Variants in EMILIN2 observed in about 807,000 individuals in gnomAD.
EMILIN2 encodes the protein elastin microfibril interfacer 2.
In EMILIN2, 71 loss-of-function variants were observed where a neutral mutation model predicts 87.1. The ratio of observed to expected loss-of-function variants is 0.82; its 90% confidence interval spans 0.67 to 0.99. The LOEUF (loss-of-function observed/expected upper bound fraction) is 0.99. Ranked by LOEUF, EMILIN2 falls within the 50% of genes least tolerant of loss-of-function variation. The pLI, the probability that EMILIN2 is intolerant of heterozygous loss-of-function variation, is 0.00. For synonymous variants in EMILIN2, 581 were observed against 563.4 expected, an observed-to-expected ratio of 1.03 and a Z score of -0.44; for missense variants, 1,407 against 1,371.8, an observed-to-expected ratio of 1.03 and a Z score of -0.40.
rs917842427 is a variant in EMILIN2, at chr18:2,907,040, G to A, written c.2617G>A (p.Gly873Arg). The change falls in exon 5 of 8, where the codon GGG becomes AGG. Residue 873 changes from glycine (G) to arginine (R), a missense_variant. By Grantham distance (125) the Gly-to-Arg change is moderately radical (BLOSUM62 -2). Coordinates refer to ENST00000254528, the MANE Select transcript of EMILIN2 (RefSeq NM_032048.3). ...GLPRGVDGQT[G>R]SGTVPGAEGF... ...GCCGCGGGGCGTGGACGGCCAGACC[G>A]GGAGCGGCACCGTCCCCGGCGCAGA... is the stretch of plus-strand genomic sequence containing the variant. 2.3e-6 allele frequency: 3 copies of A among 1,289,406 alleles called. No individual in the cohort carries two copies. Among genetic ancestry groups the A allele is most frequent in the Non-Finnish European group, 2.9e-6 (3 of 1,023,164 alleles). The allele number at this position is 1,289,406 out of a possible 1,614,324, so 79.9% of individuals were successfully genotyped here. A position where few individuals can be genotyped will look rare whatever the true frequency, so the allele number is the denominator to read the frequency against.
At chr18:2,898,010 C>T (rs977814205) in intron 4 of EMILIN2, among the ~76,000 whole-genome samples, 20 of 152,182 alleles carry the variant, frequency 1.3e-4, no homozygotes, top group African/African-American at 4.6e-4. Flanking sequence ...GCCCTTTATT[C>T]CCTATGCAGT....
In EMILIN2 at chr18:2,914,723, C is replaced by G. The variant is rs2076957903; in HGVS notation, c.*1319C>G. 6.6e-6 allele frequency: 1 copy of G among 152,008 alleles called. No individual in the cohort carries two copies. Among genetic ancestry groups the G allele is most frequent in the African/African-American group, 2.4e-5 (1 of 41,380 alleles). 9.4% of individuals were successfully genotyped at this position (152,008 alleles called of 1,614,324 possible). A position where few individuals can be genotyped will look rare whatever the true frequency, so the allele number is the denominator to read the frequency against. On this transcript the variant is annotated 3_prime_UTR_variant, in exon 8 of 8. Transcript: ENST00000254528. ...ATGCTCTTATGCTGTAAAAAAAATG[C>G]TTTAAGAATTGTTTGCAAATGAATT...
At chr18:2,849,073 C>T (rs1218329520) in intron 2 of EMILIN2, among the ~76,000 whole-genome samples, 2 of 152,152 alleles carry the variant, frequency 1.3e-5, no homozygotes, top group African/African-American at 2.4e-5. Context: ...CAGTGGAAAA[C>T]GCTGAAATTG....
At chr18:2,850,361 C>T (rs541683035) in intron 2 of EMILIN2, among the ~76,000 whole-genome samples, 1 of 151,796 alleles carries the variant, frequency 6.6e-6, no homozygotes, top group South Asian at 2.1e-4. Flanking sequence ...AATCCAGAAG[C>T]CTGAGTCACC....
Position 2,864,204 on chromosome 18 carries a change from C to A in EMILIN2, c.257+16273C>A, listed in dbSNP as rs1362833935. Reference sequence around the variant, plus strand: ...GCCAGTCTGTGTCTTTTAATTGGAGCATTTAGCCCATTTACATTTAAGGTT... The same window carrying A: ...GCCAGTCTGTGTCTTTTAATTGGAGAATTTAGCCCATTTACATTTAAGGTT... On this transcript the variant is annotated intron_variant, in intron 2 of 7. Transcript: ENST00000254528. 5.9e-5 allele frequency among the ~76,000 whole-genome samples: 9 copies of A among 152,250 alleles called. No individual in the cohort carries two copies. In the East Asian group the frequency reaches 1.2e-3, roughly 20 times the overall value.
chr18:2,887,484 G>C (rs1211317605), intron 3 of EMILIN2, among the ~76,000 whole-genome samples: 5 of 103,216 alleles, frequency 4.8e-5, no homozygotes, highest in Non-Finnish European at 1.1e-4. Flanking sequence ...TAATAAATGA[G>C]TTCTTGCTCT....
At chr18:2,867,843 C>T (rs1488355757) in intron 2 of EMILIN2, among the ~76,000 whole-genome samples, 1 of 152,252 alleles carries the variant, frequency 6.6e-6, no homozygotes, top group Admixed American at 6.5e-5. Flanking sequence ...GTCATCATGG[C>T]CCGTTCTCAA....
intron 4 of EMILIN2, among the ~76,000 whole-genome samples, chr18:2,903,099 A>C (rs116952493): frequency 0.01 from 1,534 of 152,120 alleles, 8 homozygotes; most frequent in South Asian, 0.024. Flanking sequence ...TAAAAGGAAG[A>C]AACTAGTGGG....
chr18:2,879,521 C>T (rs1290176481), intron 2 of EMILIN2, among the ~76,000 whole-genome samples: 2 of 151,802 alleles, frequency 1.3e-5, no homozygotes, highest in African/African-American at 2.4e-5. Context: ...ATTAGCCAGG[C>T]GTGGTGGCAC....
intron 2 of EMILIN2, among the ~76,000 whole-genome samples, chr18:2,869,788 G>T (rs569333945): frequency 1.4e-4 from 7 of 50,636 alleles, no homozygotes; most frequent in South Asian, 7.6e-4. Context: ...GTGTGTGTTT[G>T]TGTGTGTGTG....
At position 2,847,821 on chromosome 18, in the gene EMILIN2, C is replaced by G; in HGVS notation, c.147C>G (p.Ala49=). Residue 49 remains alanine (A), a synonymous_variant, in exon 2 of 8, where the codon GCC becomes GCG. Transcript: ENST00000254528. This position sits in a 1 kb window ranked among gnomAD's most constrained non-coding sequence, Gnocchi z 4.5. ...RPSARNKNWC[A]YIVNKNVSCS... is the part of the protein sequence containing the mutation. ...TCCTGCACCCCAGGAACTGGTGCGC[C>G]TACATCGTGAACAAGAATGTGAGCT... 1 of 1,613,410 alleles carries G rather than the reference C, an allele frequency of 6.2e-7. No homozygotes were observed.
intron 2 of EMILIN2, among the ~76,000 whole-genome samples, chr18:2,873,236 C>G (rs1265483125): frequency 1.3e-5 from 2 of 151,674 alleles, no homozygotes; most frequent in African/African-American, 4.8e-5. Context: ...CATGGCGAAA[C>G]CCCATCTCTA....
chr18:2,869,355 T>C (rs1256502260), intron 2 of EMILIN2, among the ~76,000 whole-genome samples: 1 of 152,188 alleles, frequency 6.6e-6, no homozygotes, highest in Non-Finnish European at 1.5e-5. Flanking sequence ...GTTTAATATT[T>C]TGACATATAT....
At chr18:2,887,320 AAAG>A (rs1317782575) in intron 3 of EMILIN2, among the ~76,000 whole-genome samples, 1 of 152,054 alleles carries the variant, frequency 6.6e-6, no homozygotes, top group Non-Finnish European at 1.5e-5. Context: ...GAAGGAGTAA[AAAG>A]AAATGCTTTT....
Position 2,847,177 on chromosome 18 carries a change from G to C in EMILIN2, c.-12G>C. ...GGACCCGGGCAGGCGGGGCGCGCCC[G>C]CTGCGCGCGGGATGTGGCAGCCCAG... On this transcript the variant is annotated 5_prime_UTR_variant, in exon 1 of 8. Coordinates refer to ENST00000254528, the MANE Select transcript of EMILIN2 (RefSeq NM_032048.3). This position sits in a 1 kb window ranked among gnomAD's most constrained non-coding sequence, Gnocchi z 4.5. 1 of 1,111,388 alleles carries C rather than the reference G, an allele frequency of 9.0e-7. No individual in the cohort carries two copies. The allele number at this position is 1,111,388 out of a possible 1,614,324, so 68.8% of individuals were successfully genotyped here. A position where few individuals can be genotyped will look rare whatever the true frequency, so the allele number is the denominator to read the frequency against.
chr18:2,858,567 ATATGTGTG>A (rs1568454130), intron 2 of EMILIN2, among the ~76,000 whole-genome samples: 5 of 58,778 alleles, frequency 8.5e-5, no homozygotes, highest in Non-Finnish European at 1.3e-4. Flanking sequence ...ATATATATAT[ATATGTGTG>A]TGTGTGTGTA....
At position 2,880,600 on chromosome 18, in the gene EMILIN2, GC is replaced by G. The variant is rs11304546; in HGVS notation, c.258-4360del. Among the ~76,000 whole-genome samples the G allele has an allele frequency of 8.3e-3, 1,261 of 152,336 alleles. 22 individuals are homozygous for G. Among genetic ancestry groups the G allele is most frequent in the African/African-American group, 0.026 (1,091 of 41,574 alleles). On this transcript the variant is annotated intron_variant, in intron 2 of 7. Transcript: ENST00000254528. The surrounding 1 kb of genome is among the most constrained non-coding windows in gnomAD (Gnocchi z 4.1). ...GGGAGCCAGGGCTGCAGCCGAGTCC[GC>G]CCCTCCAGCGCTGCGCAGCCCCGCC... is the stretch of plus-strand genomic sequence containing the variant.
intron 2 of EMILIN2, among the ~76,000 whole-genome samples, chr18:2,873,396 T>G (rs1341681328): frequency 8.6e-6 from 1 of 116,118 alleles, no homozygotes; most frequent in Non-Finnish European, 1.8e-5. Flanking sequence ...GGTGACAGAG[T>G]AAGATTCCGT....
At chr18:2,883,399 C>T (rs979984856) in intron 2 of EMILIN2, among the ~76,000 whole-genome samples, 3 of 152,220 alleles carry the variant, frequency 2.0e-5, no homozygotes, top group African/African-American at 4.8e-5. Context: ...AAGTGACACT[C>T]AGCCTATTGC....
Sources: gnomAD v4.1 joint callset for allele counts (sites outside exome capture counted in the v4.1 genomes callset) on GRCh38, gnomAD v4.1.1 for gene constraint, Gnocchi (gnomAD v3.1) non-coding constraint, MANE v1.5 for transcripts, NCBI Gene and HGNC (gene_info 2026-07-23, HGNC 2026-07-21) for gene names.